The following SNX10 variants were observed in gnomAD, a reference collection of about 807,000 sequenced individuals.
SNX10 encodes the protein sorting nexin 10.
SNX10 carries 25 observed loss-of-function variants against 28.5 expected under a neutral mutation model. The observed-to-expected ratio is 0.88, with a 90% CI of 0.64 to 1.22. The LOEUF is 1.22. Among genes scored for constraint, SNX10 ranks in the 50% most tolerant of loss-of-function variants. The probability of loss-of-function intolerance (pLI) is 0.00; values close to 1 mark genes in which losing one functional copy is unlikely to be tolerated. For missense variants in SNX10, 223 were observed against 242.6 expected (o/e 0.92, Z 0.54); for synonymous variants, 62 against 81.4 (o/e 0.76, Z 1.28).
intron 2 of SNX10, among the ~76,000 whole-genome samples, chr7:26,346,755 C>T (rs1788404062): frequency 6.6e-6 from 1 of 152,232 alleles, no homozygotes; most frequent in African/African-American, 2.4e-5. Flanking sequence ...TCCATCCAGT[C>T]TGCCTTCCTG....
rs997928745 is a variant in SNX10 at position 26,301,506 on chromosome 7, C to A, written c.-24+9420C>A. ...AACAAAAAAGAGGGTGAGGGGGAAC[C>A]AAAGGGGGCACCAAAGGCCAAAGAC... is the stretch of plus-strand genomic sequence containing the variant. On this transcript the variant is annotated intron_variant, in intron 1 of 6. Coordinates refer to ENST00000338523, the MANE Select transcript of SNX10 (RefSeq NM_013322.3). Among the ~76,000 whole-genome samples, 4 of 152,004 alleles carry A rather than the reference C, an allele frequency of 2.6e-5. No homozygotes were observed. In the East Asian group the frequency reaches 7.7e-4, roughly 29 times the overall value.
chr7:26,349,415 C>G (rs980236771), intron 2 of SNX10, among the ~76,000 whole-genome samples: 3 of 150,610 alleles, frequency 2.0e-5, no homozygotes, highest in Non-Finnish European at 4.4e-5. Context: ...AGCTTTATGA[C>G]TGTAATAAAT....
intron 2 of SNX10, among the ~76,000 whole-genome samples, chr7:26,359,908 G>A (rs918840397): frequency 2.0e-5 from 3 of 152,034 alleles, no homozygotes; most frequent in Non-Finnish European, 4.4e-5. Flanking sequence ...TGCCCGCCTC[G>A]GCCTCCCAAA....
chr7:26,298,793 T>G (rs1446036662), intron 1 of SNX10, among the ~76,000 whole-genome samples: 1 of 152,100 alleles, frequency 6.6e-6, no homozygotes, highest in Non-Finnish European at 1.5e-5. Flanking sequence ...CTACTGAGAG[T>G]TCTCTCCCTG....
chr7:26,371,728 C>A, intron 5 of SNX10, 93 bp from the exon 6 acceptor site: 1 of 850,672 alleles, frequency 1.2e-6, no homozygotes, highest in Non-Finnish European at 1.9e-6. Flanking sequence ...AGAGAAATTA[C>A]CTTCAGTGGT....
intron 2 of SNX10, among the ~76,000 whole-genome samples, chr7:26,349,650 T>A (rs1330105480): frequency 6.6e-6 from 1 of 152,130 alleles, no homozygotes; most frequent in Non-Finnish European, 1.5e-5. Context: ...TTAATAAGAA[T>A]AATTAGATGG....
At chr7:26,330,528 G>T (rs1052998433) in intron 1 of SNX10, among the ~76,000 whole-genome samples, 1 of 152,036 alleles carries the variant, frequency 6.6e-6, no homozygotes, top group Admixed American at 6.6e-5. Flanking sequence ...TGTGAATTGG[G>T]GCATTTGCAG....
At chr7:26,340,632 G>A (rs1050909139) in intron 1 of SNX10, among the ~76,000 whole-genome samples, 1 of 152,232 alleles carries the variant, frequency 6.6e-6, no homozygotes, top group Non-Finnish European at 1.5e-5. Flanking sequence ...TCTCAGATGA[G>A]TCTTCAGGAC....
At chr7:26,319,302 G>C (rs1787222459) in intron 1 of SNX10, among the ~76,000 whole-genome samples, 1 of 152,120 alleles carries the variant, frequency 6.6e-6, no homozygotes, top group Non-Finnish European at 1.5e-5. Flanking sequence ...CTTATGAAAT[G>C]TTAGGAGTTT....
At chr7:26,352,072 G>T (rs1788629623) in intron 2 of SNX10, among the ~76,000 whole-genome samples, 1 of 151,956 alleles carries the variant, frequency 6.6e-6, no homozygotes, top group Non-Finnish European at 1.5e-5. Flanking sequence ...AGCTGGGTGT[G>T]GGATATGTAG....
intron 1 of SNX10, among the ~76,000 whole-genome samples, chr7:26,334,179 T>C (rs886679525): frequency 1.3e-5 from 2 of 152,248 alleles, no homozygotes; most frequent in Non-Finnish European, 2.9e-5. Context: ...TTTTGTCTTT[T>C]TAAACTTGCT....
intron 1 of SNX10, among the ~76,000 whole-genome samples, chr7:26,333,682 T>A (rs1787825860): frequency 1.3e-5 from 2 of 152,222 alleles, no homozygotes; most frequent in Non-Finnish European, 2.9e-5. Context: ...GTGATAGTAC[T>A]TCTTACTCTT....
chr7:26,352,369 G>A (rs753931842), intron 2 of SNX10, among the ~76,000 whole-genome samples: 1 of 152,080 alleles, frequency 6.6e-6, no homozygotes, highest in Non-Finnish European at 1.5e-5. Flanking sequence ...TGCATTGAGC[G>A]ATCATCAATA....
At chr7:26,318,203 A>G (rs1013862471) in intron 1 of SNX10, among the ~76,000 whole-genome samples, 1 of 152,090 alleles carries the variant, frequency 6.6e-6, no homozygotes, top group East Asian at 1.9e-4. Context: ...GCCGTACACT[A>G]TTTGCCCAGT....
intron 2 of SNX10, chr7:26,357,090 C>G (rs1227561609): frequency 4.2e-6 from 5 of 1,192,834 alleles, no homozygotes; most frequent in Non-Finnish European, 5.5e-6. Context: ...CCTAAGCTGC[C>G]CTACAGGAGC....
chr7:26,362,222 G>A (rs1329897988), intron 3 of SNX10, among the ~76,000 whole-genome samples: 2 of 152,158 alleles, frequency 1.3e-5, no homozygotes, highest in African/African-American at 2.4e-5. Context: ...TTACTTATAA[G>A]CTCACACTAG....
chr7:26,292,264 C>G (rs1459043956), intron 1 of SNX10, 178 bp downstream of exon 1: 1 of 152,150 alleles, frequency 6.6e-6, no homozygotes, highest in South Asian at 2.1e-4. Flanking sequence ...CCTTTTCAGC[C>G]GAGGTGTGCC....
chr7:26,323,399 A>G (rs538918323), intron 1 of SNX10, among the ~76,000 whole-genome samples: 2 of 152,320 alleles, frequency 1.3e-5, no homozygotes, highest in Admixed American at 1.3e-4. Flanking sequence ...GGGAAAAAGC[A>G]TTCCAAGAAG....
At chr7:26,328,879 C>A (rs1181938487) in intron 1 of SNX10, among the ~76,000 whole-genome samples, 1 of 152,104 alleles carries the variant, frequency 6.6e-6, no homozygotes, top group African/African-American at 2.4e-5. Context: ...TTATAGCTGC[C>A]CATCCTCATT....
Sources: allele counts gnomAD v4.1 joint callset (sites outside exome capture counted in the v4.1 genomes callset), GRCh38; gene constraint gnomAD v4.1.1; transcripts MANE v1.5; gene names NCBI Gene and HGNC (gene_info 2026-07-23, HGNC 2026-07-21).